FARS2: variants seen among roughly 807,000 people sequenced by gnomAD.
FARS2 encodes the protein phenylalanyl-tRNA synthetase 2, mitochondrial.
In FARS2, 40 loss-of-function variants were observed where a neutral mutation model predicts 46.4. That is an observed-to-expected ratio of 0.86 (90% CI 0.67 to 1.12). The LOEUF (loss-of-function observed/expected upper bound fraction) is 1.12. Ranked by LOEUF, FARS2 falls within the 50% of genes most tolerant of loss-of-function variation. FARS2 has a pLI of 0.00. For synonymous variants in FARS2, 234 were observed against 214.9 expected (o/e 1.09, Z -0.78); for missense variants, 513 against 567.9 (o/e 0.90, Z 0.98).
chr6:5,417,393 T>TA (rs995103494), intron 3 of FARS2, among the ~76,000 whole-genome samples: 16 of 149,384 alleles, frequency 1.1e-4, no homozygotes, highest in Non-Finnish European at 1.8e-4. Flanking sequence ...ACTTTTAAAA[T>TA]AAAAAAAAAA....
intron 6 of FARS2, among the ~76,000 whole-genome samples, chr6:5,720,559 A>G (rs1341187776): frequency 6.6e-6 from 1 of 152,242 alleles, no homozygotes; most frequent in Admixed American, 6.5e-5. Flanking sequence ...CCTAGGCTCT[A>G]GAGCAGCATT....
chr6:5,360,611 T>C (rs929918830), intron 1 of FARS2, among the ~76,000 whole-genome samples: 4 of 152,174 alleles, frequency 2.6e-5, no homozygotes, highest in African/African-American at 9.7e-5. Context: ...TTCCTGGTGA[T>C]CTTATTATTT....
intron 2 of FARS2, among the ~76,000 whole-genome samples, chr6:5,387,748 C>T (rs950417018): frequency 6.6e-6 from 1 of 152,164 alleles, no homozygotes; most frequent in African/African-American, 2.4e-5. Context: ...GAGCTCTTTC[C>T]TCATTCTTTC....
At chr6:5,326,019 C>T (rs1770352321) in intron 1 of FARS2, among the ~76,000 whole-genome samples, 2 of 152,096 alleles carry the variant, frequency 1.3e-5, no homozygotes, top group Admixed American at 1.3e-4. Context: ...TTAATGGGGG[C>T]ATTTATAGGG....
At chr6:5,476,889 T>C (rs1056248089) in intron 4 of FARS2, among the ~76,000 whole-genome samples, 1 of 152,182 alleles carries the variant, frequency 6.6e-6, no homozygotes, top group Non-Finnish European at 1.5e-5. Flanking sequence ...GTTGCAATAC[T>C]GGAAAACAAG....
At chr6:5,466,916 T>C in intron 4 of FARS2, 1 of 985,454 alleles carries the variant, frequency 1.0e-6, no homozygotes, top group Non-Finnish European at 1.2e-6. Context: ...CTCGGCCTTA[T>C]GCTGCAGTGA....
chr6:5,447,869 A>T (rs530036569), intron 4 of FARS2, among the ~76,000 whole-genome samples: 2 of 152,358 alleles, frequency 1.3e-5, no homozygotes, highest in African/African-American at 4.8e-5. Flanking sequence ...ATAGCCCCAT[A>T]AGCAGATATG....
intron 2 of FARS2, among the ~76,000 whole-genome samples, chr6:5,390,640 G>C (rs1375259796): frequency 2.0e-5 from 3 of 152,154 alleles, no homozygotes; most frequent in Non-Finnish European, 2.9e-5. Context: ...CATTTATTTG[G>C]TCAGTTCTCA....
At chr6:5,569,288 G>A (rs915130325) in intron 5 of FARS2, among the ~76,000 whole-genome samples, 5 of 151,030 alleles carry the variant, frequency 3.3e-5, no homozygotes, top group Admixed American at 2.6e-4. Context: ...CCAGGCTGGA[G>A]TGCAGTGGCA....
intron 4 of FARS2, among the ~76,000 whole-genome samples, chr6:5,529,258 T>G (rs928197991): frequency 3.3e-5 from 5 of 152,212 alleles, no homozygotes; most frequent in Non-Finnish European, 5.9e-5. Flanking sequence ...TATATGGTAT[T>G]GTTTGCCAGA....
At chr6:5,572,029 C>T (rs113862717) in intron 5 of FARS2, among the ~76,000 whole-genome samples, 6 of 152,282 alleles carry the variant, frequency 3.9e-5, no homozygotes, top group Non-Finnish European at 8.8e-5. Context: ...ATATCAGCCC[C>T]CAAAGTTATC....
chr6:5,599,709 AC>A (rs1009107082), intron 5 of FARS2, among the ~76,000 whole-genome samples: 1 of 152,220 alleles, frequency 6.6e-6, no homozygotes, highest in African/African-American at 2.4e-5. Context: ...CATTTTCATC[AC>A]CCCAGAAGAT....
intron 4 of FARS2, among the ~76,000 whole-genome samples, chr6:5,437,010 G>T (rs1763562690): frequency 6.6e-6 from 1 of 152,108 alleles, no homozygotes; most frequent in African/African-American, 2.4e-5. Flanking sequence ...CAATCAAGAT[G>T]ATAAATGTTT....
chr6:5,405,784 G>GC (rs1761555864), intron 3 of FARS2, among the ~76,000 whole-genome samples: 1 of 152,046 alleles, frequency 6.6e-6, no homozygotes, highest in South Asian at 2.1e-4. Context: ...GATCCACGGC[G>GC]CCCGGCCCAG....
chr6:5,679,962 A>T (rs1177581172), intron 6 of FARS2, among the ~76,000 whole-genome samples: 11 of 151,822 alleles, frequency 7.2e-5, no homozygotes, highest in Non-Finnish European at 1.6e-4. Context: ...AAGAAAATTC[A>T]TCAAAGTGTT....
chr6:5,594,614 C>T (rs1774096111), intron 5 of FARS2, among the ~76,000 whole-genome samples: 1 of 152,160 alleles, frequency 6.6e-6, no homozygotes. Flanking sequence ...GCTCCCCACC[C>T]TGGGGCTGAG....
chr6:5,392,850 TTA>T (rs1024024641), intron 2 of FARS2, among the ~76,000 whole-genome samples: 2 of 99,662 alleles, frequency 2.0e-5, no homozygotes, highest in Admixed American at 1.1e-4. Context: ...TGTGTATATA[TTA>T]TATGTGTGTG....
At chr6:5,718,563 G>A (rs1392107107) in intron 6 of FARS2, among the ~76,000 whole-genome samples, 3 of 152,150 alleles carry the variant, frequency 2.0e-5, no homozygotes, top group African/African-American at 4.8e-5. Context: ...ACACACAAGA[G>A]ACATTTGAAA....
chr6:5,439,357 C>T (rs1763715174), intron 4 of FARS2, among the ~76,000 whole-genome samples: 1 of 152,226 alleles, frequency 6.6e-6, no homozygotes, highest in South Asian at 2.1e-4. Flanking sequence ...CCTTTATCTG[C>T]AGACACACAG....
Sources: allele counts gnomAD v4.1 joint callset (sites outside exome capture counted in the v4.1 genomes callset), GRCh38; gene constraint gnomAD v4.1.1; transcripts MANE v1.5; gene names NCBI Gene and HGNC (gene_info 2026-07-23, HGNC 2026-07-21).